CYP11B2: variants seen among roughly 807,000 people sequenced by gnomAD.
The protein encoded by CYP11B2 is cytochrome P450 family 11 subfamily B member 2.
A neutral mutation model predicts 49.3 loss-of-function variants in CYP11B2; 38 were observed. The ratio of observed to expected loss-of-function variants is 0.77; its 90% CI spans 0.59 to 1.01. CYP11B2 has a LOEUF of 1.01. Ranked by LOEUF, CYP11B2 falls within the 50% of genes least tolerant of loss-of-function variation. CYP11B2 has a pLI of 0.00. For synonymous variants in CYP11B2, 290 were observed against 269.3 expected (o/e 1.08, Z -0.75); for missense variants, 669 against 655.5 (o/e 1.02, Z -0.23).
chr8:142,914,949 G>A (rs6399), intron 3 of CYP11B2, 41 bp from the exon 4 acceptor site: 712,437 of 1,600,194 alleles, frequency 0.45, 162,442 homozygotes, highest in Middle Eastern at 0.47. Context: ...GCAGCCCCAG[G>A]CCTCCTGGCT....
rs752745892 is a variant in CYP11B2, at chr8:142,917,811, G to C, written c.30C>G (p.Cys10Trp). The C allele has an allele frequency of 3.1e-6, 5 of 1,613,930 alleles. No individual in the cohort carries two copies. The highest frequency in any genetic ancestry group is 3.4e-6 in the Non-Finnish European group (4 of 1,180,054). Residue 10 changes from cysteine to tryptophan, a missense_variant, in exon 1 of 9, where the codon TGC becomes TGG. By Grantham distance (215) the Cys-to-Trp change is radical. Transcript: ENST00000323110. MALRAKAEVCVAAPWLSLQR... is the reference protein window; with the variant it reads MALRAKAEVWVAAPWLSLQR... ...GCAGGGACAGCCAGGGCGCTGCCAC[G>C]CACACCTCTGCCTTTGCCCTGAGTG...
rs1471013243 is a variant in CYP11B2 at position 142,910,643 on chromosome 8, A to C, written c.*1337T>G. 1 of 152,190 alleles carries C rather than the reference A, an allele frequency of 6.6e-6. No homozygotes were observed. The highest frequency in any genetic ancestry group is 1.5e-5 in the Non-Finnish European group (1 of 68,036). The allele number at this position is 152,190 out of a possible 1,614,324, so 9.4% of individuals were successfully genotyped here. ...GGTATCTGTGAGAGCCCCATAAACA[A>C]GGAAGCCATCTCTGAGGTCTGTGCA... On this transcript the variant is annotated 3_prime_UTR_variant, in exon 9 of 9. Transcript: ENST00000323110. The surrounding 1 kb of genome is among the most constrained non-coding windows in gnomAD (Gnocchi z 4.6).
intron 5 of CYP11B2, 59 bp downstream of exon 5, chr8:142,914,205 G>A: frequency 1.2e-6 from 2 of 1,601,296 alleles, no homozygotes; most frequent in Non-Finnish European, 1.7e-6. Context: ...TTGGCAGGCA[G>A]TGCCTGGGAG....
chr8:142,917,025 G>A (rs756812227), intron 2 of CYP11B2, 34 bp downstream of exon 2: 2 of 1,612,706 alleles, frequency 1.2e-6, no homozygotes, highest in Non-Finnish European at 1.7e-6. Context: ...TGCCCACCCT[G>A]CTCCCAGCTC....
Position 142,914,288 on chromosome 8 carries a change from T to C in CYP11B2, c.930A>G (p.Glu310=), listed in dbSNP as rs1446167015. 1 of 1,614,098 alleles carries C rather than the reference T, an allele frequency of 6.2e-7. No individual in the cohort carries two copies. Among genetic ancestry groups the C allele is most frequent in the Admixed American group, 1.7e-5 (1 of 60,006 alleles). ...CCGTGTCCACGCTCCCTGCAGTGAG[T>C]TCCATAGAGTTGGCCTTGATGGCTT... The part of the protein sequence containing the change: ...SLEAIKANSM[E]LTAGSVDTTA... The change falls in exon 5 of 9, where the codon GAA becomes GAG. Residue 310 remains glutamate (E), a synonymous_variant. Transcript: ENST00000323110.
intron 6 of CYP11B2, 28 bp downstream of exon 6, chr8:142,913,257 C>T (rs1409504646): frequency 6.2e-7 from 1 of 1,610,712 alleles, no homozygotes; most frequent in Non-Finnish European, 8.5e-7. Context: ...GGGGCCAGGG[C>T]CACAGGGAGG....
Position 142,911,896 on chromosome 8 carries a change from G to T in CYP11B2, c.*84C>A. The stretch of plus-strand genomic sequence containing the variant: ...ACAGAGGGGTGACTCAGGAAGCTGT[G>T]CACGTGGGAGAGAAGACAGGTGGCC... On this transcript the variant is annotated 3_prime_UTR_variant, in exon 9 of 9. Transcript: ENST00000323110. 1 of 1,598,926 alleles carries T rather than the reference G, an allele frequency of 6.3e-7. No homozygotes were observed. The highest frequency in any genetic ancestry group is 8.5e-7 in the Non-Finnish European group (1 of 1,171,176).
At chr8:142,916,545 A>G (rs10096239) in intron 2 of CYP11B2, 31,990 of 264,650 alleles carry the variant, frequency 0.12, 7,590 homozygotes, top group Non-Finnish European at 0.14. Flanking sequence ...GAACAACGGA[A>G]CCACCAGCCA....
chr8:142,913,981 G>C (rs1407591091), intron 5 of CYP11B2: 1 of 575,870 alleles, frequency 1.7e-6, no homozygotes, highest in Non-Finnish European at 3.3e-6. Context: ...AGTGGGGACA[G>C]AGCTGCTGTG....
At chr8:142,916,197 A>C (rs1817642257) in intron 2 of CYP11B2, among the ~76,000 whole-genome samples, 1 of 151,900 alleles carries the variant, frequency 6.6e-6, no homozygotes, top group African/African-American at 2.4e-5. Flanking sequence ...TCCTTCCATT[A>C]TGCGCACCCA....
intron 2 of CYP11B2, among the ~76,000 whole-genome samples, chr8:142,915,836 G>T (rs61757313): frequency 2.6e-5 from 4 of 152,022 alleles, no homozygotes; most frequent in Non-Finnish European, 4.4e-5. Context: ...CCCAGGGAAT[G>T]GTGGGGAGGA....
Position 142,915,062 on chromosome 8 carries a change from G to C in CYP11B2, c.579C>G (p.Phe193Leu). Reference sequence around the variant, plus strand: ...GGCCCACACCTTCTATGGTGTAGTGGAAGATGCTGGGCTGGACGTCCAGGG... The same window carrying C: ...GGCCCACACCTTCTATGGTGTAGTGCAAGATGCTGGGCTGGACGTCCAGGG... ...SLTLDVQPSI[F>L]HYTIEASNLA... is the part of the protein sequence containing the mutation. Residue 193 changes from phenylalanine (F) to leucine (L), a missense_variant, in exon 3 of 9, where the codon TTC becomes TTG. Coordinates refer to ENST00000323110, the MANE Select transcript of CYP11B2 (RefSeq NM_000498.3). 6.2e-7 allele frequency: 1 copy of C among 1,613,886 alleles called. No individual in the cohort carries two copies. Among genetic ancestry groups the C allele is most frequent in the South Asian group, 1.1e-5 (1 of 91,020 alleles).
In CYP11B2 at chr8:142,915,148, C is replaced by T. The variant is rs529683430; in HGVS notation, c.493G>A (p.Ala165Thr). The T allele has an allele frequency of 2.5e-5, 40 of 1,613,966 alleles. No homozygotes were observed. Among genetic ancestry groups the T allele is most frequent in the Non-Finnish European group, 3.2e-5 (38 of 1,179,986 alleles). The change falls in exon 3 of 9, where the codon GCC (alanine) becomes ACC (threonine). Residue 165 changes from alanine to threonine, a missense_variant. Transcript: ENST00000323110. ...TTCAGGGCCTGGGAGAAGTCCCTGG[C>T]CACTGCATCCACCATCGGGAGGAAC... ...QRFLPMVDAV[A>T]RDFSQALKKK...
In CYP11B2 at chr8:142,911,850, A is replaced by T. The variant is rs1817540720; in HGVS notation, c.*130T>A. The T allele has an allele frequency of 6.9e-7, 1 of 1,439,416 alleles. No individual in the cohort carries two copies. The highest frequency in any genetic ancestry group is 1.4e-5 in the African/African-American group (1 of 71,362). The allele number at this position is 1,439,416 out of a possible 1,614,324, so 89.2% of individuals were successfully genotyped here. On this transcript the variant is annotated 3_prime_UTR_variant, in exon 9 of 9. Transcript: ENST00000323110. The stretch of plus-strand genomic sequence containing the variant: ...AGTCCTGGAGGCCCTGGGGAGTTCC[A>T]TTTGTGCAGGAGCTGGCTGGACAGA...
In CYP11B2 at chr8:142,914,012, T is replaced by C. The variant is rs1273978708; in HGVS notation, c.954+252A>G. The C allele has an allele frequency of 1.1e-5, 7 of 621,462 alleles. No individual in the cohort carries two copies. In the East Asian group the frequency reaches 2.3e-4, roughly 20 times the overall value. 38.5% of individuals were successfully genotyped at this position (621,462 alleles called of 1,614,324 possible). A position where few individuals can be genotyped will look rare whatever the true frequency, so the allele number is the denominator to read the frequency against. ...CTGTGTGTCCAGGGCCTCATCCAAC[T>C]TTCTTCCAGCCTGGAGCATGGATCC... On this transcript the variant is annotated intron_variant, in intron 5 of 8. Coordinates refer to ENST00000323110, the MANE Select transcript of CYP11B2 (RefSeq NM_000498.3).
intron 5 of CYP11B2, 64 bp downstream of exon 5, chr8:142,914,200 A>T (rs1817594080): frequency 6.3e-7 from 1 of 1,592,296 alleles, no homozygotes; most frequent in Non-Finnish European, 8.6e-7. Flanking sequence ...TGGCATTGGC[A>T]GGCAGTGCCT....
Position 142,912,744 on chromosome 8 carries a change from G to A in CYP11B2, c.1201-17C>T. 1 of 1,613,632 alleles carries A rather than the reference G, an allele frequency of 6.2e-7. No individual in the cohort carries two copies. The highest frequency in any genetic ancestry group is 1.1e-5 in the South Asian group (1 of 91,080). On this transcript the variant is annotated splice_polypyrimidine_tract_variant and intron_variant, in intron 7 of 8. Transcript: ENST00000323110. ...TACCAATGTCTGCGGACGGTGCAGA[G>A]CAGGGATCAGGGAATGACTGGGGAG...
rs771137831 is a variant in CYP11B2 at position 142,914,371 on chromosome 8, G to A, written c.847C>T (p.Pro283Ser). The change falls in exon 5 of 9, where the codon CCT becomes TCT. Residue 283 changes from proline to serine, a missense_variant. Coordinates refer to ENST00000323110, the MANE Select transcript of CYP11B2 (RefSeq NM_000498.3). ...KIYQELAFNR[P>S]QHYTGIVAEL... ...GCCACGATGCCTGTGTAGTGTTGAG[G>A]GCGGTTGAAGGCCAGTTCCTGGTAG... The A allele has an allele frequency of 2.2e-5, 36 of 1,613,416 alleles. No homozygotes were observed. Among genetic ancestry groups the A allele is most frequent in the Non-Finnish European group, 2.5e-5 (30 of 1,179,590 alleles).
chr8:142,917,073 A>T lies in CYP11B2; in HGVS notation c.381T>A (p.Cys127Ter). 6.2e-7 allele frequency: 1 copy of T among 1,614,114 alleles called. No individual in the cohort carries two copies. The highest frequency in any genetic ancestry group is 8.5e-7 in the Non-Finnish European group (1 of 1,180,016). The stretch of plus-strand genomic sequence containing the variant: ...TCGCCGCTTACAACAAGAACACGCC[A>T]CATTTGTGCCCACGATGTTGTCTGT... ...VAYRQHRGHK[C>*]GVFLLNGPEW... Residue 127 changes from cysteine (C) to a stop codon, truncating the protein, a stop_gained, in exon 2 of 9, where the codon TGT (cysteine) becomes TGA (stop). Transcript: ENST00000323110. LOFTEE classifies it high-confidence loss of function.
Sources: allele counts gnomAD v4.1 joint callset (sites outside exome capture counted in the v4.1 genomes callset), GRCh38; gene constraint gnomAD v4.1.1; non-coding constraint Gnocchi (gnomAD v3.1); transcripts MANE v1.5; gene names NCBI Gene and HGNC (gene_info 2026-07-23, HGNC 2026-07-21).